The following CTNNA2 variants were observed in gnomAD, a reference collection of about 807,000 sequenced individuals.
CTNNA2 encodes the protein catenin alpha-2.
CTNNA2 carries 42 observed loss-of-function variants against 101.0 expected under a neutral mutation model. The ratio of observed to expected loss-of-function variants is 0.42; its 90% confidence interval spans 0.32 to 0.54. The LOEUF (loss-of-function observed/expected upper bound fraction) is 0.54, where lower values mean the gene tolerates loss of function less well. CTNNA2 is among the 20% of genes least tolerant of loss of function. The pLI is 0.14. For synonymous variants in CTNNA2, 450 were observed against 456.4 expected, an observed-to-expected ratio of 0.99 and a Z score of 0.18; for missense variants, 871 against 1,223.1, an observed-to-expected ratio of 0.71 and a Z score of 4.29.
chr2:80,585,916 C>T (rs17019433), intron 14 of CTNNA2, among the ~76,000 whole-genome samples: 6 of 152,130 alleles, frequency 3.9e-5, no homozygotes, highest in African/African-American at 1.4e-4. Context: ...TGGAAAGATG[C>T]TTTCACCCAA....
intron 7 of CTNNA2, among the ~76,000 whole-genome samples, chr2:80,079,995 G>T (rs887492357): frequency 3.9e-5 from 6 of 152,008 alleles, no homozygotes; most frequent in African/African-American, 1.4e-4. Context: ...GTAGAATCAG[G>T]ATTTGATTAA....
intron 3 of CTNNA2, among the ~76,000 whole-genome samples, chr2:79,753,846 T>G (rs924218663): frequency 3.3e-5 from 5 of 151,670 alleles, no homozygotes; most frequent in Non-Finnish European, 7.4e-5. Context: ...CAAGTTCCAC[T>G]ATTTTCTTTT....
rs189927277 is a variant in CTNNA2, at chr2:79,593,654, G to A, written c.-5-57898G>A. Among the ~76,000 whole-genome samples the A allele has an allele frequency of 1.4e-4, 22 of 152,072 alleles. No individual in the cohort carries two copies. The East Asian group carries it at 2.1e-3, about 15-fold the overall frequency. On this transcript the variant is annotated intron_variant, in intron 1 of 18. Coordinates refer to ENST00000402739, the MANE Select transcript of CTNNA2 (RefSeq NM_001282597.3). ...ATTTGACTCTCTCTCTTGCAGTGTG[G>A]CTGAAATGCTGACTCAGCATCTTTC...
At chr2:79,610,816 C>T (rs931714960) in intron 1 of CTNNA2, among the ~76,000 whole-genome samples, 8 of 152,164 alleles carry the variant, frequency 5.3e-5, no homozygotes, top group Non-Finnish European at 1.0e-4. Flanking sequence ...TCATGTTCCG[C>T]AAATTATCAA....
intron 7 of CTNNA2, chr2:80,299,656 A>G (rs2149199661): frequency 6.6e-6 from 1 of 152,354 alleles, no homozygotes; most frequent in South Asian, 2.1e-4. Context: ...AGCATAAAAC[A>G]AAGCACGATT....
chr2:80,601,421 C>CTTT (rs56921519), intron 15 of CTNNA2, among the ~76,000 whole-genome samples: 12 of 84,404 alleles, frequency 1.4e-4, no homozygotes, highest in African/African-American at 5.7e-4. Context: ...TTCTTTCTTT[C>CTTT]TTTTTTTTTT....
intron 6 of CTNNA2, among the ~76,000 whole-genome samples, chr2:79,908,397 C>A (rs1323089680): frequency 1.3e-5 from 2 of 152,078 alleles, no homozygotes; most frequent in Admixed American, 6.6e-5. Context: ...GTTGGAAGAC[C>A]ATTTGCCCCA....
intron 9 of CTNNA2, among the ~76,000 whole-genome samples, chr2:80,538,080 T>C (rs1691204157): frequency 2.6e-5 from 4 of 152,204 alleles, no homozygotes; most frequent in Admixed American, 2.6e-4. Flanking sequence ...TAGGGTTGTT[T>C]TTTTCTTGTA....
At chr2:80,369,886 C>T (rs1305555354) in intron 7 of CTNNA2, among the ~76,000 whole-genome samples, 2 of 152,106 alleles carry the variant, frequency 1.3e-5, no homozygotes, top group African/African-American at 4.8e-5. Flanking sequence ...TCTTCTAGCA[C>T]CTCCAGAAAG....
intron 2 of CTNNA2, among the ~76,000 whole-genome samples, chr2:79,713,430 C>G (rs1470832324): frequency 6.6e-6 from 1 of 152,020 alleles, no homozygotes; most frequent in Non-Finnish European, 1.5e-5. Flanking sequence ...TGGGTGACAG[C>G]AAGAGTAAAA....
At chr2:79,441,786 G>A (rs1678780564) in intron 4 of CTNNA2, among the ~76,000 whole-genome samples, 1 of 152,110 alleles carries the variant, frequency 6.6e-6, no homozygotes, top group South Asian at 2.1e-4. Context: ...GTCTTACCAT[G>A]ACTATAATAC....
chr2:79,201,924 G>C (rs547232132), intron 2 of CTNNA2, among the ~76,000 whole-genome samples: 1 of 152,100 alleles, frequency 6.6e-6, no homozygotes, highest in African/African-American at 2.4e-5. Context: ...GCTTTTATAC[G>C]TTTTAGGGAG....
intron 4 of CTNNA2, among the ~76,000 whole-genome samples, chr2:79,863,716 G>T (rs761124173): frequency 5.3e-5 from 8 of 152,200 alleles, no homozygotes; most frequent in Non-Finnish European, 8.8e-5. Flanking sequence ...CCTGGGGCTG[G>T]CATAGGGCAC....
chr2:80,276,671 G>A (rs1421787969), intron 7 of CTNNA2, among the ~76,000 whole-genome samples: 1 of 150,336 alleles, frequency 6.7e-6, no homozygotes, highest in East Asian at 2.0e-4. Flanking sequence ...AGGAGGAGGA[G>A]GAAGAAGAAG....
intron 1 of CTNNA2, among the ~76,000 whole-genome samples, chr2:79,521,241 A>G (rs909922032): frequency 1.3e-5 from 2 of 150,798 alleles, no homozygotes; most frequent in African/African-American, 4.9e-5. Flanking sequence ...AAAGATTTCT[A>G]AAATGACAAG....
At chr2:79,196,145 G>A (rs1482003487) in intron 1 of CTNNA2, among the ~76,000 whole-genome samples, 1 of 152,092 alleles carries the variant, frequency 6.6e-6, no homozygotes, top group African/African-American at 2.4e-5. Flanking sequence ...TGTTGGCCAG[G>A]CAGGTCACGA....
At chr2:79,850,335 C>CT (rs1680598233) in intron 3 of CTNNA2, among the ~76,000 whole-genome samples, 1 of 125,662 alleles carries the variant, frequency 8.0e-6, no homozygotes, top group East Asian at 3.2e-4. Context: ...CCCTCCCTCC[C>CT]TCCCTCTCTC....
chr2:79,963,003 G>A (rs965988295), intron 7 of CTNNA2, among the ~76,000 whole-genome samples: 6 of 147,888 alleles, frequency 4.1e-5, no homozygotes, highest in Non-Finnish European at 5.9e-5. Context: ...CCCGGGAGGC[G>A]GAACTTGCAG....
chr2:80,078,340 G>T (rs1449638243), intron 7 of CTNNA2, among the ~76,000 whole-genome samples: 1 of 152,150 alleles, frequency 6.6e-6, no homozygotes, highest in Non-Finnish European at 1.5e-5. Flanking sequence ...GGGAGGACCA[G>T]TGAAGGTTCC....
Sources: gnomAD v4.1 joint callset for allele counts (sites outside exome capture counted in the v4.1 genomes callset) on GRCh38, gnomAD v4.1.1 for gene constraint, MANE v1.5 for transcripts, NCBI Gene and HGNC (gene_info 2026-07-23, HGNC 2026-07-21) for gene names.